The following ALMS1 variants were observed in gnomAD, a reference collection of about 807,000 sequenced individuals.
ALMS1 encodes the protein centrosome-associated protein ALMS1.
In ALMS1, 271 loss-of-function variants were observed where a neutral mutation model predicts 352.2. The ratio of observed to expected loss-of-function variants is 0.77; its 90% CI spans 0.70 to 0.85. The LOEUF is 0.85. ALMS1 is among the 40% of genes least tolerant of loss of function. ALMS1 has a pLI of 0.00. For synonymous variants in ALMS1, 1,865 were observed against 1,761.2 expected (o/e 1.06, Z -1.48); for missense variants, 5,445 against 4,870.7 (o/e 1.12, Z -3.51).
Position 73,452,328 on chromosome 2 carries a change from C to G in ALMS1, c.5801C>G (p.Pro1934Arg), listed in dbSNP as rs1295004475. Reference protein sequence around the residue: ...PGQGDRKTEIPTVPLSYYSRR... With the variant: ...PGQGDRKTEIRTVPLSYYSRR... The stretch of plus-strand genomic sequence containing the variant: ...CAAGGTGACCGGAAGACTGAGATAC[C>G]AACAGTACCTTTAAGTTACTACTCA... The change falls in exon 8 of 23, where the codon CCA (proline) becomes CGA (arginine). Residue 1934 changes from proline to arginine, a missense_variant. Pro to Arg is a moderately radical substitution (Grantham distance 103). Transcript: ENST00000613296. The G allele has an allele frequency of 1.2e-6, 2 of 1,613,804 alleles. No homozygotes were observed. The highest frequency in any genetic ancestry group is 1.7e-6 in the Non-Finnish European group (2 of 1,179,986).
In ALMS1 at chr2:73,449,915, G is replaced by A. The variant is rs1023868043; in HGVS notation, c.3388G>A (p.Ala1130Thr). The A allele has an allele frequency of 6.2e-7, 1 of 1,613,890 alleles. No individual in the cohort carries two copies. ...GAAAATTTCAGTAGCTCCTGGACTAGCAGACCAGAAGACTGGCACACCAAC... is the reference window on the plus strand; with the variant it reads ...GAAAATTTCAGTAGCTCCTGGACTAACAGACCAGAAGACTGGCACACCAAC... ...ALKISVAPGL[A>T]DQKTGTPTVT... is the part of the protein sequence containing the mutation. The change falls in exon 8 of 23, where the codon GCA becomes ACA. Residue 1130 changes from alanine (A) to threonine (T), a missense_variant. Transcript: ENST00000613296.
At chr2:73,521,927 TTTTG>T (rs771490435) in intron 11 of ALMS1, among the ~76,000 whole-genome samples, 15 of 152,124 alleles carry the variant, frequency 9.9e-5, no homozygotes, top group Admixed American at 2.0e-4. Context: ...AGGTGTTTTT[TTTTG>T]TTTGTTTGTT....
chr2:73,506,949 T>G (rs1425102542), intron 10 of ALMS1, among the ~76,000 whole-genome samples: 1 of 152,196 alleles, frequency 6.6e-6, no homozygotes, highest in Non-Finnish European at 1.5e-5. Context: ...TGAGACATGT[T>G]CCATCAATAC....
At chr2:73,537,899 G>A (rs767612183) in intron 12 of ALMS1, among the ~76,000 whole-genome samples, 12 of 152,056 alleles carry the variant, frequency 7.9e-5, no homozygotes, top group Non-Finnish European at 1.6e-4. Flanking sequence ...CCAGCTACTC[G>A]GAAGGCTGAG....
intron 15 of ALMS1, among the ~76,000 whole-genome samples, chr2:73,565,967 C>T (rs1211305585): frequency 6.6e-6 from 1 of 152,036 alleles, no homozygotes; most frequent in Non-Finnish European, 1.5e-5. Flanking sequence ...AGAAAAAGAA[C>T]AGTATGTACA....
chr2:73,544,454 A>C (rs1482440793), intron 12 of ALMS1, among the ~76,000 whole-genome samples: 3 of 152,206 alleles, frequency 2.0e-5, no homozygotes, highest in African/African-American at 7.2e-5. Context: ...AACATGGCAC[A>C]TGTATACATA....
intron 21 of ALMS1, 186 bp downstream of exon 21, chr2:73,603,490 A>C (rs1322667466): frequency 1.6e-6 from 1 of 609,440 alleles, no homozygotes; most frequent in Non-Finnish European, 2.9e-6. Context: ...TGAATGACTC[A>C]TATGCAAAAG....
intron 1 of ALMS1, among the ~76,000 whole-genome samples, chr2:73,399,251 G>A (rs939896360): frequency 6.6e-6 from 1 of 151,990 alleles, no homozygotes; most frequent in Non-Finnish European, 1.5e-5. Context: ...TTGTCTTATT[G>A]CATTAGCTAT....
intron 7 of ALMS1, among the ~76,000 whole-genome samples, chr2:73,436,029 GT>G (rs1338851835): frequency 1.3e-5 from 2 of 152,158 alleles, no homozygotes; most frequent in African/African-American, 4.8e-5. Flanking sequence ...ACTATCTGGT[GT>G]TACTTGTTTT....
At position 73,550,335 on chromosome 2, in the gene ALMS1, G is replaced by C. The variant is rs201213079; in HGVS notation, c.9976G>C (p.Ala3326Pro). The change falls in exon 13 of 23, where the codon GCC becomes CCC. Residue 3326 changes from alanine (A) to proline (P), a missense_variant. Coordinates refer to ENST00000613296, the MANE Select transcript of ALMS1 (RefSeq NM_001378454.1). The stretch of plus-strand genomic sequence containing the variant: ...AGGCACAAGAGATGATGACCTCTCA[G>C]CCACTGTTAACATTAAACATAAAGA... ...VLGTRDDDLSATVNIKHKEGI... is the reference protein window; with the variant it reads ...VLGTRDDDLSPTVNIKHKEGI... 4.6e-5 allele frequency: 75 copies of C among 1,614,138 alleles called. No homozygotes were observed. The African/African-American group carries it at 8.4e-4, about 18-fold the overall frequency.
intron 16 of ALMS1, among the ~76,000 whole-genome samples, chr2:73,574,210 C>T (rs895815129): frequency 5.9e-5 from 9 of 152,096 alleles, no homozygotes; most frequent in Admixed American, 2.0e-4. Context: ...AAAGAGTATC[C>T]TCCTATAAGG....
At chr2:73,481,389 A>G (rs1672700550) in intron 9 of ALMS1, among the ~76,000 whole-genome samples, 1 of 152,000 alleles carries the variant, frequency 6.6e-6, no homozygotes, top group African/African-American at 2.4e-5. Context: ...ATAGTTGTAG[A>G]TATGCTGCAT....
At chr2:73,540,001 C>G (rs1041302734) in intron 12 of ALMS1, among the ~76,000 whole-genome samples, 1 of 152,138 alleles carries the variant, frequency 6.6e-6, no homozygotes, top group Non-Finnish European at 1.5e-5. Context: ...CCAACATTCA[C>G]ATTCAGGAAA....
At chr2:73,446,000 T>A (rs927280517) in intron 7 of ALMS1, among the ~76,000 whole-genome samples, 2 of 152,196 alleles carry the variant, frequency 1.3e-5, no homozygotes, top group Non-Finnish European at 2.9e-5. Flanking sequence ...AGACACATTT[T>A]ATAAATCATA....
chr2:73,584,717 T>G (rs1675269337), intron 16 of ALMS1, among the ~76,000 whole-genome samples: 1 of 152,204 alleles, frequency 6.6e-6, no homozygotes, highest in East Asian at 1.9e-4. Context: ...TCTGAGATTT[T>G]GGTGCACCCA....
intron 9 of ALMS1, among the ~76,000 whole-genome samples, chr2:73,480,111 A>G (rs1672664103): frequency 1.3e-5 from 2 of 151,494 alleles, no homozygotes; most frequent in Non-Finnish European, 2.9e-5. Context: ...GTTTTAGGGT[A>G]CATGTGCACA....
intron 12 of ALMS1, among the ~76,000 whole-genome samples, chr2:73,544,183 G>A (rs1674260276): frequency 6.6e-6 from 1 of 152,162 alleles, no homozygotes; most frequent in Non-Finnish European, 1.5e-5. Flanking sequence ...ATACTATGCA[G>A]CCATAAAAAA....
At position 73,385,894 on chromosome 2, in the gene ALMS1, C is replaced by T. The variant is rs1297606865; in HGVS notation, c.26C>T (p.Pro9Leu). 3.4e-6 allele frequency: 3 copies of T among 872,336 alleles called. No homozygotes were observed. In the African/African-American group the frequency reaches 5.2e-5, roughly 15 times the overall value. The allele number at this position is 872,336 out of a possible 1,614,324, so 54.0% of individuals were successfully genotyped here. The change falls in exon 1 of 23, where the codon CCG (proline) becomes CTG (leucine). Residue 9 changes from proline to leucine, a missense_variant. By Grantham distance (98) the Pro-to-Leu change is moderately conservative (BLOSUM62 -3). Coordinates refer to ENST00000613296, the MANE Select transcript of ALMS1 (RefSeq NM_001378454.1). MEPEDLPW[P>L]GELEEEEEEE... ...ATGGAGCCCGAGGATCTGCCATGGC[C>T]GGGCGAGCTGGAGGAGGAGGAGGAG...
chr2:73,550,436 A>G lies in ALMS1; in HGVS notation c.10077A>G (p.Ala3359=), dbSNP rs1674405534. The G allele has an allele frequency of 6.2e-7, 1 of 1,614,066 alleles. No individual in the cohort carries two copies. The highest frequency in any genetic ancestry group is 8.5e-7 in the Non-Finnish European group (1 of 1,179,946). The change falls in exon 13 of 23, where the codon GCA becomes GCG. Residue 3359 remains alanine (A), a splice_region_variant and synonymous_variant. Transcript: ENST00000613296. The part of the protein sequence containing the change: ...VGEKPLQNEN[A]DASVQVLITG... ...AAAAACCCTTGCAGAATGAAAATGC[A>G]GGTAACTGGATTGGCTTTGTATACT... is the stretch of plus-strand genomic sequence containing the variant.
Sources: gnomAD v4.1 joint callset for allele counts (sites outside exome capture counted in the v4.1 genomes callset) on GRCh38, gnomAD v4.1.1 for gene constraint, MANE v1.5 for transcripts, NCBI Gene and HGNC (gene_info 2026-07-23, HGNC 2026-07-21) for gene names.